The following HS3ST4 variants were observed in gnomAD, a reference collection of about 807,000 sequenced individuals.
The protein encoded by HS3ST4 is heparan sulfate glucosamine 3-O-sulfotransferase 4.
Under a neutral mutation model 29.2 loss-of-function variants are expected in HS3ST4, and 17 were observed. The observed-to-expected ratio is 0.58, with a 90% CI of 0.40 to 0.87. The LOEUF (loss-of-function observed/expected upper bound fraction) is 0.87, where lower values mean the gene tolerates loss of function less well. HS3ST4 is among the 40% of genes least tolerant of loss of function. HS3ST4 has a pLI of 0.00. For synonymous variants in HS3ST4, 314 were observed against 285.7 expected (o/e 1.10, Z -1.00); for missense variants, 627 against 634.5 (o/e 0.99, Z 0.13).
intron 1 of HS3ST4, among the ~76,000 whole-genome samples, chr16:26,089,811 T>C (rs987165150): frequency 7.2e-5 from 11 of 152,210 alleles, no homozygotes; most frequent in African/African-American, 2.7e-4. Context: ...AATTGTGAGT[T>C]TGAGTCCTGG....
chr16:25,936,008 G>A (rs1327871169), intron 1 of HS3ST4, among the ~76,000 whole-genome samples: 1 of 152,102 alleles, frequency 6.6e-6, no homozygotes, highest in Admixed American at 6.6e-5. Flanking sequence ...CTGGGTTTAA[G>A]CCATCCTCTT....
At chr16:25,762,882 AAAAAAAAAAAAAAAAAAG>A (rs1170814245) in intron 1 of HS3ST4, among the ~76,000 whole-genome samples, 1 of 141,072 alleles carries the variant, frequency 7.1e-6, no homozygotes, top group East Asian at 2.0e-4. Flanking sequence ...GTCTCAAAAA[AAAAAAAAAAAAAAAAAAG>A]AAAAAAGAAA....
chr16:25,990,364 C>T (rs1969103927), intron 1 of HS3ST4, among the ~76,000 whole-genome samples: 1 of 152,224 alleles, frequency 6.6e-6, no homozygotes, highest in Non-Finnish European at 1.5e-5. Context: ...CACCATTTTG[C>T]ATTCCCACCA....
chr16:26,035,022 C>A (rs1329128736), intron 1 of HS3ST4, among the ~76,000 whole-genome samples: 2 of 152,142 alleles, frequency 1.3e-5, no homozygotes, highest in Admixed American at 6.6e-5. Flanking sequence ...TTGACCTCAT[C>A]ATCTGCCCAT....
rs142663392 is a variant in HS3ST4, at chr16:25,713,329, A to T, written c.734+20178A>T. On this transcript the variant is annotated intron_variant, in intron 1 of 1. Coordinates refer to ENST00000331351, the MANE Select transcript of HS3ST4 (RefSeq NM_006040.3). ...GATCACTTGAGCCCAGGAGTTTGAG[A>T]CCAGCCTGGGCAACATAGTGAGACC... 2.9e-3 allele frequency among the ~76,000 whole-genome samples: 434 copies of T among 152,030 alleles called. 6 individuals are homozygous for T. Among genetic ancestry groups the T allele is most frequent in the Middle Eastern group, 0.014 (4 of 294 alleles).
intron 1 of HS3ST4, among the ~76,000 whole-genome samples, chr16:26,016,221 A>G (rs1465627063): frequency 6.6e-6 from 1 of 152,174 alleles, no homozygotes; most frequent in Non-Finnish European, 1.5e-5. Context: ...GTTCTTATGG[A>G]TAAAGTATCC....
At chr16:26,111,771 C>T (rs1225857291) in intron 1 of HS3ST4, among the ~76,000 whole-genome samples, 1 of 152,150 alleles carries the variant, frequency 6.6e-6, no homozygotes, top group Non-Finnish European at 1.5e-5. Context: ...GTAAGCCCAA[C>T]ACTTTGGGAG....
intron 1 of HS3ST4, among the ~76,000 whole-genome samples, chr16:25,817,068 AAGCT>A (rs1276253479): frequency 1.3e-5 from 2 of 152,200 alleles, no homozygotes; most frequent in African/African-American, 2.4e-5. Context: ...AAACCATAGC[AAGCT>A]GCATTGCATT....
intron 1 of HS3ST4, among the ~76,000 whole-genome samples, chr16:25,808,875 T>C (rs1407406732): frequency 2.0e-5 from 3 of 152,190 alleles, no homozygotes; most frequent in Non-Finnish European, 4.4e-5. Flanking sequence ...AGTTGTAAAT[T>C]ATAGTGTGAT....
intron 1 of HS3ST4, among the ~76,000 whole-genome samples, chr16:26,124,504 C>T (rs987822611): frequency 6.6e-6 from 1 of 152,018 alleles, no homozygotes; most frequent in Non-Finnish European, 1.5e-5. Context: ...AGCTCAGATC[C>T]CATGAAGGAA....
At chr16:25,964,501 G>T (rs753100369) in intron 1 of HS3ST4, among the ~76,000 whole-genome samples, 2 of 152,068 alleles carry the variant, frequency 1.3e-5, no homozygotes, top group South Asian at 2.1e-4. Flanking sequence ...TATATAATGC[G>T]CAGGGCAACC....
intron 1 of HS3ST4, among the ~76,000 whole-genome samples, chr16:25,846,255 G>T (rs1370374320): frequency 1.3e-5 from 2 of 152,204 alleles, no homozygotes; most frequent in African/African-American, 4.8e-5. Context: ...AAATAAATTG[G>T]TGAGGAGTTT....
chr16:25,710,974 G>T (rs1399270335), intron 1 of HS3ST4, among the ~76,000 whole-genome samples: 5 of 151,312 alleles, frequency 3.3e-5, no homozygotes, highest in African/African-American at 1.2e-4. Context: ...GCACCACTAT[G>T]CCCAACTAAT....
chr16:26,054,070 A>G (rs140978780), intron 1 of HS3ST4, among the ~76,000 whole-genome samples: 2,921 of 152,212 alleles, frequency 0.019, 88 homozygotes, highest in African/African-American at 0.064. Context: ...CCTACATGTC[A>G]TTGGTCAAAG....
chr16:25,789,042 C>A (rs1173101950), intron 1 of HS3ST4, among the ~76,000 whole-genome samples: 1 of 152,032 alleles, frequency 6.6e-6, no homozygotes, highest in African/African-American at 2.4e-5. Context: ...ATGGTGGGGC[C>A]AGGAGATAGA....
intron 1 of HS3ST4, among the ~76,000 whole-genome samples, chr16:25,859,694 G>A (rs979742873): frequency 6.6e-6 from 1 of 152,072 alleles, no homozygotes; most frequent in East Asian, 1.9e-4. Flanking sequence ...CACAAAACAG[G>A]GTCAAAGACC....
chr16:25,822,676 T>A (rs1967171815), intron 1 of HS3ST4, among the ~76,000 whole-genome samples: 1 of 152,120 alleles, frequency 6.6e-6, no homozygotes, highest in African/African-American at 2.4e-5. Context: ...CAGCACTTGT[T>A]CCTTCATATT....
rs75595258 is a variant in HS3ST4 at position 25,733,367 on chromosome 16, A to G, written c.734+40216A>G. Among the ~76,000 whole-genome samples, 12 of 152,264 alleles carry G rather than the reference A, an allele frequency of 7.9e-5. No homozygotes were observed. The East Asian group carries it at 2.1e-3, about 27-fold the overall frequency. On this transcript the variant is annotated intron_variant, in intron 1 of 1. Coordinates refer to ENST00000331351, the MANE Select transcript of HS3ST4 (RefSeq NM_006040.3). Reference sequence around the variant, plus strand: ...CACTGAAAGTCCTCTGTTTGCTGGTAGGTCCCTGTGCACAAGCCCACACTG... The same window carrying G: ...CACTGAAAGTCCTCTGTTTGCTGGTGGGTCCCTGTGCACAAGCCCACACTG...
intron 1 of HS3ST4, among the ~76,000 whole-genome samples, chr16:25,861,838 T>C (rs1439975991): frequency 6.6e-6 from 1 of 152,264 alleles, no homozygotes; most frequent in African/African-American, 2.4e-5. Context: ...AGCAAAGTTA[T>C]ACTGTAACTT....
Sources: allele counts gnomAD v4.1 joint callset (sites outside exome capture counted in the v4.1 genomes callset), GRCh38; gene constraint gnomAD v4.1.1; transcripts MANE v1.5; gene names NCBI Gene and HGNC (gene_info 2026-07-23, HGNC 2026-07-21).